The following CRKL variants were observed in gnomAD, a reference collection of about 807,000 sequenced individuals.
CRKL encodes CRK like proto-oncogene, adaptor protein.
A neutral mutation model predicts 23.0 loss-of-function variants in CRKL; 3 were observed. The ratio of observed to expected loss-of-function variants is 0.13; its 90% CI spans 0.06 to 0.34. CRKL has a LOEUF of 0.34. Among genes scored for constraint, CRKL ranks in the 10% least tolerant of loss-of-function variants. The pLI, the probability that CRKL is intolerant of heterozygous loss-of-function variation, is 1.00. For missense variants in CRKL, 256 were observed against 394.5 expected (o/e 0.65, Z 2.97); for synonymous variants, 188 against 160.7 (o/e 1.17, Z -1.28).
chr22:20,945,720 C>T (rs1922033598), intron 2 of CRKL, among the ~76,000 whole-genome samples: 1 of 152,220 alleles, frequency 6.6e-6, no homozygotes, highest in Admixed American at 6.5e-5. Context: ...TCTGGCTACT[C>T]TGATTCAGGT....
intron 1 of CRKL, among the ~76,000 whole-genome samples, chr22:20,923,731 C>T (rs1337015172): frequency 6.6e-6 from 1 of 151,870 alleles, no homozygotes; most frequent in East Asian, 1.9e-4. Flanking sequence ...CACGCGCTAC[C>T]ACACCTGGCT....
chr22:20,933,403 A>G (rs1220129619), intron 1 of CRKL, among the ~76,000 whole-genome samples: 1 of 151,680 alleles, frequency 6.6e-6, no homozygotes, highest in Non-Finnish European at 1.5e-5. Context: ...ATGGTGGCTC[A>G]TGCTTGTAAT....
In CRKL at chr22:20,933,883, C is replaced by T. The variant is rs747404847; in HGVS notation, c.416C>T (p.Ala139Val). 2.5e-6 allele frequency: 4 copies of T among 1,613,948 alleles called. No homozygotes were observed. Among genetic ancestry groups the T allele is most frequent in the Non-Finnish European group, 3.4e-6 (4 of 1,180,032 alleles). ...CTGTATGATTTTCCTGGGAATGATG[C>T]CGAAGACCTGCCCTTTAAAAAGGGT... is the stretch of plus-strand genomic sequence containing the variant. ...RTLYDFPGND[A>V]EDLPFKKGEI... is the part of the protein sequence containing the mutation. The change falls in exon 2 of 3, where the codon GCC becomes GTC. Residue 139 changes from alanine (A) to valine (V), a missense_variant. Coordinates refer to ENST00000354336, the MANE Select transcript of CRKL (RefSeq NM_005207.4).
chr22:20,920,661 C>A (rs937785873), intron 1 of CRKL, among the ~76,000 whole-genome samples: 1 of 152,122 alleles, frequency 6.6e-6, no homozygotes, highest in Non-Finnish European at 1.5e-5. Flanking sequence ...CTCTTTCGTC[C>A]TTCCTTTACT....
chr22:20,941,182 A>T (rs1051051748), intron 2 of CRKL, among the ~76,000 whole-genome samples: 1 of 151,954 alleles, frequency 6.6e-6, no homozygotes, highest in Non-Finnish European at 1.5e-5. Context: ...CTTCTTACCA[A>T]GGCTTCCCAG....
chr22:20,947,394 A>G (rs1922103461), intron 2 of CRKL, among the ~76,000 whole-genome samples: 1 of 147,724 alleles, frequency 6.8e-6, no homozygotes, highest in South Asian at 2.2e-4. Context: ...GTGCAGTGAC[A>G]CGATTTTGGC....
intron 2 of CRKL, among the ~76,000 whole-genome samples, chr22:20,939,924 G>A (rs1281285319): frequency 6.6e-6 from 1 of 151,722 alleles, no homozygotes; most frequent in Non-Finnish European, 1.5e-5. Context: ...GAGTAGCTGG[G>A]ATTACAGGCA....
At chr22:20,946,397 G>T (rs182608209) in intron 2 of CRKL, among the ~76,000 whole-genome samples, 2 of 152,100 alleles carry the variant, frequency 1.3e-5, no homozygotes, top group African/African-American at 4.8e-5. Flanking sequence ...AGTGTCCCTG[G>T]CATATGTGTT....
chr22:20,928,091 A>G (rs1921297551), intron 1 of CRKL, among the ~76,000 whole-genome samples: 1 of 152,096 alleles, frequency 6.6e-6, no homozygotes, highest in African/African-American at 2.4e-5. Flanking sequence ...CAGGAGGCAG[A>G]GGTTTTGGTG....
chr22:20,924,849 A>C (rs577163455), intron 1 of CRKL, among the ~76,000 whole-genome samples: 1 of 151,942 alleles, frequency 6.6e-6, no homozygotes, highest in East Asian at 2.0e-4. Context: ...AAAAAAACAA[A>C]AAACAAGAAC....
At chr22:20,943,076 G>GT (rs968291077) in intron 2 of CRKL, among the ~76,000 whole-genome samples, 1 of 152,094 alleles carries the variant, frequency 6.6e-6, no homozygotes, top group African/African-American at 2.4e-5. Context: ...AGCCATCCTA[G>GT]TAGGTGTGAA....
chr22:20,952,994 C>T lies in CRKL; in HGVS notation c.*3149C>T, dbSNP rs975040407. On this transcript the variant is annotated 3_prime_UTR_variant, in exon 3 of 3. Transcript: ENST00000354336. ...CTCCTGGGAGCTCATGTGTCCCTGG[C>T]GCTGTGCTAGCTTTCCTTTACAGCT... The T allele has an allele frequency of 8.6e-6, 2 of 231,610 alleles. No individual in the cohort carries two copies. The highest frequency in any genetic ancestry group is 2.2e-5 in the African/African-American group (1 of 45,202). The allele number at this position is 231,610 out of a possible 1,614,324, so 14.3% of individuals were successfully genotyped here. A position where few individuals can be genotyped will look rare whatever the true frequency, so the allele number is the denominator to read the frequency against.
intron 2 of CRKL, among the ~76,000 whole-genome samples, chr22:20,941,038 G>T (rs1033575623): frequency 6.6e-6 from 1 of 152,036 alleles, no homozygotes; most frequent in African/African-American, 2.4e-5. Flanking sequence ...GTGGCCTGCA[G>T]TGCTCTTGGG....
chr22:20,918,343 C>A (rs1929766885), intron 1 of CRKL, 98 bp downstream of exon 1: 2 of 1,348,986 alleles, frequency 1.5e-6, no homozygotes, highest in South Asian at 2.8e-5. Flanking sequence ...AACCCATATT[C>A]CCCGCATTCT....
At chr22:20,918,913 C>A (rs1929789653) in intron 1 of CRKL, among the ~76,000 whole-genome samples, 1 of 151,886 alleles carries the variant, frequency 6.6e-6, no homozygotes, top group Non-Finnish European at 1.5e-5. Context: ...AAGCCATAGA[C>A]TTCTTTGAGA....
chr22:20,924,211 G>T (rs1429830640), intron 1 of CRKL, among the ~76,000 whole-genome samples: 3 of 152,084 alleles, frequency 2.0e-5, no homozygotes, highest in African/African-American at 4.8e-5. Context: ...ATGAATGAAT[G>T]TAAGTTGTAT....
At chr22:20,941,986 TGTGATAGCTGTTCTCTG>T (rs1396246303) in intron 2 of CRKL, among the ~76,000 whole-genome samples, 1 of 152,232 alleles carries the variant, frequency 6.6e-6, no homozygotes, top group African/African-American at 2.4e-5. Context: ...CTCTGTTTTC[TGTGATAGCTGTTCTCTG>T]GTGATAGCTG....
rs373069327 is a variant in CRKL, at chr22:20,933,739, T to G, written c.312-40T>G. The G allele has an allele frequency of 3.9e-6, 6 of 1,525,088 alleles. No homozygotes were observed. In the African/African-American group the frequency reaches 8.3e-5, roughly 21 times the overall value. The allele number at this position is 1,525,088 out of a possible 1,614,324, so 94.5% of individuals were successfully genotyped here. A position where few individuals can be genotyped will look rare whatever the true frequency, so the allele number is the denominator to read the frequency against. On this transcript the variant is annotated intron_variant, in intron 1 of 2. Transcript: ENST00000354336. Reference sequence around the variant, plus strand: ...AAGTTTGACAGGCACTGGCTTAGAGTAAGATTTTTCTCTTAGAGTAATTTT... The same window carrying G: ...AAGTTTGACAGGCACTGGCTTAGAGGAAGATTTTTCTCTTAGAGTAATTTT...
At chr22:20,925,082 G>A (rs1263875450) in intron 1 of CRKL, among the ~76,000 whole-genome samples, 2 of 151,764 alleles carry the variant, frequency 1.3e-5, no homozygotes, top group African/African-American at 2.4e-5. Flanking sequence ...CAGCTACTCC[G>A]GAGGTTGAGA....
Sources: allele counts gnomAD v4.1 joint callset (sites outside exome capture counted in the v4.1 genomes callset), GRCh38; gene constraint gnomAD v4.1.1; transcripts MANE v1.5; gene names NCBI Gene and HGNC (gene_info 2026-07-23, HGNC 2026-07-21).